Variants in CYB5R2 observed in about 807,000 individuals in gnomAD.
CYB5R2 encodes cytochrome b5 reductase 2.
A neutral mutation model predicts 29.8 loss-of-function variants in CYB5R2; 35 were observed. The ratio of observed to expected loss-of-function variants is 1.17; its 90% CI spans 0.90 to 1.56. The LOEUF (loss-of-function observed/expected upper bound fraction) is 1.56, where lower values mean the gene tolerates loss of function less well. CYB5R2 is among the 40% of genes most tolerant of loss of function. The probability of loss-of-function intolerance (pLI) is 0.00; values close to 1 mark genes in which losing one functional copy is unlikely to be tolerated. For synonymous variants in CYB5R2, 169 were observed against 130.6 expected, an observed-to-expected ratio of 1.29 and a Z score of -2.01; for missense variants, 419 against 346.7, an observed-to-expected ratio of 1.21 and a Z score of -1.66.
chr11:7,666,387 C>A (rs930598306), intron 8 of CYB5R2, 64 bp downstream of exon 8: 2 of 1,014,166 alleles, frequency 2.0e-6, no homozygotes, highest in Non-Finnish European at 3.1e-6. Flanking sequence ...AGACAGAGAC[C>A]AGTCCTCAAA....
At chr11:7,666,240 G>T (rs575898784) in intron 8 of CYB5R2, 6 of 594,474 alleles carry the variant, frequency 1.0e-5, no homozygotes, top group African/African-American at 1.9e-5. Flanking sequence ...TGATGTATTA[G>T]ACACCTGCTC....
At chr11:7,672,142 T>G in intron 3 of CYB5R2, 1 of 350,562 alleles carries the variant, frequency 2.9e-6, no homozygotes, top group Admixed American at 4.3e-5. Flanking sequence ...CTCAGAGAGA[T>G]TGAAGGACTT....
upstream of CYB5R2, chr11:7,673,535 C>T (rs1218537487): frequency 4.1e-6 from 4 of 985,282 alleles, no homozygotes; most frequent in African/African-American, 1.7e-5. Context: ...CGCCCCACTC[C>T]CCGCCCTTCG....
chr11:7,666,732 GTGGA>G (rs1278697846), intron 7 of CYB5R2, 182 bp from the exon 8 acceptor site: 2 of 505,166 alleles, frequency 4.0e-6, no homozygotes, highest in Non-Finnish European at 7.1e-6. Context: ...CCTTTGTTTT[GTGGA>G]TGAAGTTCCT....
rs61733057 is a variant in CYB5R2, at chr11:7,667,798, A to C, written c.488T>G (p.Leu163Trp). 0.048 allele frequency: 77,943 copies of C among 1,613,790 alleles called. 2,244 individuals carry two copies. The highest frequency in any genetic ancestry group is 0.12 in the African/African-American group (8,784 of 75,018). ...IAGGTGITPM[L>W]QLIRHITKDP... is the part of the protein sequence containing the mutation. ...CTTGGTGATGTGGCGAATGAGCTGC[A>C]ACATGGGTGTGATGCCTGGAACACA... Residue 163 changes from leucine to tryptophan, a missense_variant, in exon 7 of 9, where the codon TTG (leucine) becomes TGG (tryptophan). Coordinates refer to ENST00000299498, the MANE Select transcript of CYB5R2 (RefSeq NM_016229.5).
At chr11:7,672,025 A>G (rs1855772356) in intron 3 of CYB5R2, 1 of 165,092 alleles carries the variant, frequency 6.1e-6, no homozygotes, top group African/African-American at 2.4e-5. Context: ...CAGGTGCACA[A>G]TACTTTGTAG....
chr11:7,666,742 T>G, intron 7 of CYB5R2, 192 bp from the exon 8 acceptor site: 3 of 478,440 alleles, frequency 6.3e-6, no homozygotes, highest in Non-Finnish European at 3.8e-6. Context: ...GTGGATGAAG[T>G]TCCTCCATGT....
intron 4 of CYB5R2, 94 bp from the exon 5 acceptor site, chr11:7,669,428 G>A (rs1855582851): frequency 7.5e-6 from 11 of 1,462,438 alleles, no homozygotes; most frequent in Non-Finnish European, 1.0e-5. Flanking sequence ...AAGCTTTGCA[G>A]AGAAAGTGTT....
intron 5 of CYB5R2, 114 bp from the exon 6 acceptor site, chr11:7,668,675 G>A (rs1401171582): frequency 3.4e-6 from 3 of 879,744 alleles, no homozygotes; most frequent in African/African-American, 3.3e-5. Flanking sequence ...GGGACTGTCT[G>A]CACCATTTTA....
chr11:7,665,095 T>G, downstream of CYB5R2: 1 of 261,988 alleles, frequency 3.8e-6, no homozygotes, highest in South Asian at 7.5e-5. Context: ...CCACACTTCA[T>G]GGGCTGTCTG....
At chr11:7,673,913 C>T (rs1158963271), upstream of CYB5R2, 10 of 999,810 alleles carry the variant, frequency 1.0e-5, no homozygotes, top group Non-Finnish European at 1.1e-5. Flanking sequence ...GGCTGGCCCG[C>T]TCCCCGAGAA....
chr11:7,666,511 T>C lies in CYB5R2; in HGVS notation c.598A>G (p.Ile200Val), dbSNP rs1447061852. Residue 200 changes from isoleucine to valine, a missense_variant, in exon 8 of 9, where the codon ATT becomes GTT. Physicochemically the swap from Ile to Val is conservative, Grantham distance 29 (BLOSUM62 3). Transcript: ENST00000299498. ...AACTGGTCTGGGTGAGTCCTGGCAA[T>C]TTCTTCAAGCTCTTTTCTGACCAAG... ...DILVRKELEE[I>V]ARTHPDQFNL... The C allele has an allele frequency of 1.2e-6, 2 of 1,613,618 alleles. No homozygotes were observed. Among genetic ancestry groups the C allele is most frequent in the Middle Eastern group, 1.7e-4 (1 of 6,020 alleles).
chr11:7,667,694 C>A lies in CYB5R2; in HGVS notation c.558+34G>T, dbSNP rs368641294. Reference sequence around the variant, plus strand: ...ACAAGAGCCCAGCTCAGCAAACATTCCATCCTACCACTGCAAGCTCAGCAG... The same window carrying A: ...ACAAGAGCCCAGCTCAGCAAACATTACATCCTACCACTGCAAGCTCAGCAG... On this transcript the variant is annotated intron_variant, in intron 7 of 8. Coordinates refer to ENST00000299498, the MANE Select transcript of CYB5R2 (RefSeq NM_016229.5). The A allele has an allele frequency of 1.9e-6, 3 of 1,557,886 alleles. No homozygotes were observed. The African/African-American group carries it at 4.1e-5, about 21-fold the overall frequency.
At chr11:7,672,207 A>G (rs146368171) in intron 3 of CYB5R2, 11 of 468,340 alleles carry the variant, frequency 2.3e-5, no homozygotes, top group African/African-American at 1.6e-4. Context: ...TTTTGGCTCT[A>G]GGTTCAGTTC....
intron 3 of CYB5R2, chr11:7,670,561 T>A (rs577420495): frequency 6.6e-6 from 1 of 152,258 alleles, no homozygotes; most frequent in South Asian, 2.1e-4. Flanking sequence ...ATGGAGCAAA[T>A]GAAACAACAA....
At chr11:7,673,652 C>T (rs942195222), upstream of CYB5R2, 18 of 985,310 alleles carry the variant, frequency 1.8e-5, no homozygotes, top group Admixed American at 6.1e-5. Context: ...GGCCTCTTTC[C>T]TTCCGGCCGT....
chr11:7,669,572 C>G, intron 4 of CYB5R2, 53 bp downstream of exon 4: 1 of 1,431,880 alleles, frequency 7.0e-7, no homozygotes, highest in Non-Finnish European at 9.5e-7. Flanking sequence ...CACCCCACCA[C>G]CCTCAGTAGG....
rs751923969 is a variant in CYB5R2, at chr11:7,672,521, T to C, written c.81A>G (p.Lys27=). ...KYPLPLIEKE[K]ISHNTRRFRF... ...GGAACCTCCGGGTGTTGTGGCTGATTTTCTGATAAAACAAAACATAGGCAG... is the reference window on the plus strand; with the variant it reads ...GGAACCTCCGGGTGTTGTGGCTGATCTTCTGATAAAACAAAACATAGGCAG... Residue 27 remains lysine (K), a splice_region_variant and synonymous_variant, in exon 3 of 9, where the codon AAA becomes AAG. Transcript: ENST00000299498. 6.2e-7 allele frequency: 1 copy of C among 1,614,152 alleles called. No individual in the cohort carries two copies. The highest frequency in any genetic ancestry group is 1.1e-5 in the South Asian group (1 of 91,078).
intron 4 of CYB5R2, 84 bp downstream of exon 4, chr11:7,669,541 A>T: frequency 7.9e-7 from 1 of 1,268,034 alleles, no homozygotes; most frequent in Non-Finnish European, 1.1e-6. Flanking sequence ...ATGTGCCCTC[A>T]GAGAAAAAGC....
Sources: gnomAD v4.1 joint callset for allele counts on GRCh38, gnomAD v4.1.1 for gene constraint, MANE v1.5 for transcripts, NCBI Gene and HGNC (gene_info 2026-07-23, HGNC 2026-07-21) for gene names.